Variants in ASMTL observed in about 807,000 individuals in gnomAD.
ASMTL encodes the protein probable bifunctional dTTP/UTP pyrophosphatase/methyltransferase protein.
In ASMTL, 57 loss-of-function variants were observed where a neutral mutation model predicts 60.3. The observed-to-expected ratio is 0.95, with a 90% CI of 0.76 to 1.18. The LOEUF (loss-of-function observed/expected upper bound fraction) is 1.18. Among genes scored for constraint, ASMTL ranks in the 50% most tolerant of loss-of-function variants. ASMTL has a pLI of 0.00. For missense variants in ASMTL, 981 were observed against 852.6 expected, an observed-to-expected ratio of 1.15 and a Z score of -1.88; for synonymous variants, 419 against 373.0, an observed-to-expected ratio of 1.12 and a Z score of -1.42.
At chrX:1,418,927 T>G in intron 10 of ASMTL, 55 bp downstream of exon 10, 2 of 1,608,630 alleles carry the variant, frequency 1.2e-6, no homozygotes, top group East Asian at 4.5e-5. Flanking sequence ...GCAGGGAAGA[T>G]ACCTGTGGCT....
intron 10 of ASMTL, among the ~76,000 whole-genome samples, chrX:1,418,751 C>T (rs1335594865): frequency 5.3e-5 from 8 of 152,118 alleles, no homozygotes; most frequent in Non-Finnish European, 7.4e-5. Flanking sequence ...TGCCTCAGCT[C>T]CGCAGCCAAA....
chrX:1,443,415 C>CG lies in ASMTL; in HGVS notation c.94-1099_94-1098insC, dbSNP rs1406813279. Among the ~76,000 whole-genome samples the CG allele has an allele frequency of 9.3e-4, 123 of 131,764 alleles. 19 individuals carry two copies. The highest frequency in any genetic ancestry group is 3.4e-3 in the African/African-American group (114 of 33,932). The allele number at this position is 131,764 out of a possible 152,430, so 86.4% of individuals were successfully genotyped here. On this transcript the variant is annotated intron_variant, in intron 1 of 12. Coordinates refer to ENST00000381317, the MANE Select transcript of ASMTL (RefSeq NM_004192.4). ...CGCCATCTTGGACACACGCCGCCAT[C>CG]TTGGACACACACCGCCATCTTGGAC...
intron 10 of ASMTL, 146 bp from the exon 11 acceptor site, chrX:1,418,262 C>T (rs2090370760): frequency 2.2e-6 from 2 of 889,886 alleles, no homozygotes; most frequent in Non-Finnish European, 1.7e-6. Flanking sequence ...GGGGAGCTCG[C>T]TGGTATCCCA....
chrX:1,429,658 G>A (rs1377408324), intron 6 of ASMTL, among the ~76,000 whole-genome samples: 2 of 151,958 alleles, frequency 1.3e-5, no homozygotes, highest in East Asian at 2.0e-4. Context: ...TTCGCCAGGC[G>A]TGGCGGTGGG....
chrX:1,443,900 A>G (rs1423554537), intron 1 of ASMTL, among the ~76,000 whole-genome samples: 3 of 145,242 alleles, frequency 2.1e-5, no homozygotes, highest in South Asian at 2.3e-4. Context: ...CACCCCCATC[A>G]TGGACACACA....
chrX:1,417,392 A>C (rs1205977767), intron 11 of ASMTL, among the ~76,000 whole-genome samples: 1 of 117,868 alleles, frequency 8.5e-6, no homozygotes, highest in Non-Finnish European at 1.8e-5. Flanking sequence ...CACACCACAG[A>C]GACTTGCAGA....
intron 11 of ASMTL, among the ~76,000 whole-genome samples, chrX:1,417,130 GACAC>G (rs1226710726): frequency 2.8e-4 from 42 of 150,376 alleles, no homozygotes; most frequent in African/African-American, 8.3e-4. Context: ...CATGCACACA[GACAC>G]ACAACCACAG....
upstream of ASMTL, chrX:1,453,018 C>T (rs2091434934): frequency 3.6e-6 from 2 of 556,364 alleles, no homozygotes; most frequent in Non-Finnish European, 6.2e-6. Context: ...CGAGACCGCG[C>T]CCAGGCCACG....
Position 1,428,012 on chromosome X carries a change from G to T in ASMTL, c.619C>A (p.Gln207Lys). 1 of 1,613,688 alleles carries T rather than the reference G, an allele frequency of 6.2e-7. No individual in the cohort carries two copies. The highest frequency in any genetic ancestry group is 8.5e-7 in the Non-Finnish European group (1 of 1,179,844). The change falls in exon 7 of 13, where the codon CAG becomes AAG. Residue 207 changes from glutamine (Q) to lysine (K), a missense_variant. Physicochemically the swap from Gln to Lys is moderately conservative, Grantham distance 53. Transcript: ENST00000381317. Reference sequence around the variant, plus strand: ...GGCGGGTAGTAGAGCTTCACCAGCTGCTTGCAGAAGTGGTTCAGCGGGAAT... The same window carrying T: ...GGCGGGTAGTAGAGCTTCACCAGCTTCTTGCAGAAGTGGTTCAGCGGGAAT... ...VGFPLNHFCK[Q>K]LVKLYYPPRP...
chrX:1,426,879 A>T (rs1266198646), intron 7 of ASMTL, among the ~76,000 whole-genome samples: 1 of 152,056 alleles, frequency 6.6e-6, no homozygotes, highest in Non-Finnish European at 1.5e-5. Context: ...CACAGTTAGG[A>T]GGCTGAGGCA....
In ASMTL at chrX:1,451,448, C is replaced by T. The variant is rs572604189; in HGVS notation, c.93+1300G>A. On this transcript the variant is annotated intron_variant, in intron 1 of 12. Transcript: ENST00000381317. ...GCCTAGGGGTTCCAGGTCACTCTCC[C>T]CTCCCTCATCCTTTTGGGTCCCGGG... Among the ~76,000 whole-genome samples, 8 of 149,362 alleles carry T rather than the reference C, an allele frequency of 5.4e-5. No individual in the cohort carries two copies. In the East Asian group the frequency reaches 6.0e-4, roughly 11 times the overall value.
chrX:1,441,867 T>C (rs1290082821), intron 2 of ASMTL: 3 of 322,652 alleles, frequency 9.3e-6, no homozygotes, highest in East Asian at 1.2e-4. Context: ...TAAATGATAC[T>C]GTATCAATTG....
rs186598857 is a variant in ASMTL at position 1,420,431 on chromosome X, C to T, written c.1245+1227G>A. On this transcript the variant is annotated intron_variant, in intron 9 of 12. Coordinates refer to ENST00000381317, the MANE Select transcript of ASMTL (RefSeq NM_004192.4). ...TCTCTCCCCAACATCTGCAGGAAGC[C>T]CCCGGCTCCCTGGGGCTCATCTCTG... 2.6e-3 allele frequency among the ~76,000 whole-genome samples: 390 copies of T among 152,294 alleles called. 1 individual carries two copies. Among genetic ancestry groups the T allele is most frequent in the African/African-American group, 8.3e-3 (347 of 41,566 alleles).
chrX:1,418,971 G>A lies in ASMTL; in HGVS notation c.1378+11C>T. On this transcript the variant is annotated intron_variant, in intron 10 of 12. Transcript: ENST00000381317. ...GAAAGTAAGGAGAGCCCTGGCGGGG[G>A]GGCCACCCACCTCCCACGTCGCAGG... 2 of 1,611,784 alleles carry A rather than the reference G, an allele frequency of 1.2e-6. No individual in the cohort carries two copies. Among genetic ancestry groups the A allele is most frequent in the Non-Finnish European group, 8.5e-7 (1 of 1,179,816 alleles).
chrX:1,427,692 G>A lies in ASMTL; in HGVS notation c.897+42C>T, dbSNP rs180781793. 3.0e-5 allele frequency: 46 copies of A among 1,558,068 alleles called. No homozygotes were observed. In the African/African-American group the frequency reaches 5.7e-4, roughly 19 times the overall value. Reference sequence around the variant, plus strand: ...CCTTTGATTTAAGCCGAGTGTGTAGGCTCATTTGTGAAATGTGGCCTGAGG... The same window carrying A: ...CCTTTGATTTAAGCCGAGTGTGTAGACTCATTTGTGAAATGTGGCCTGAGG... On this transcript the variant is annotated intron_variant, in intron 7 of 12. Transcript: ENST00000381317.
intron 12 of ASMTL, among the ~76,000 whole-genome samples, chrX:1,411,627 G>GACACTT (rs1247529955): frequency 3.3e-5 from 5 of 152,014 alleles, no homozygotes; most frequent in East Asian, 1.9e-4. Flanking sequence ...AGATCCAGCT[G>GACACTT]CAGAGTCCAC....
At chrX:1,421,507 C>T (rs369934529) in intron 9 of ASMTL, 151 bp downstream of exon 9, 138 of 760,372 alleles carry the variant, frequency 1.8e-4, no homozygotes, top group African/African-American at 1.7e-3. Flanking sequence ...ACAAGAGCCA[C>T]GGCACTAAGT....
rs760783592 is a variant in ASMTL at position 1,403,452 on chromosome X, C to T, written c.1683G>A (p.Glu561=). Residue 561 remains glutamate (E), a synonymous_variant, in exon 13 of 13, where the codon GAG becomes GAA. Transcript: ENST00000381317. ...GGGCGCGCTGCGCCACCCTCTTCTCCTCATCCAGGAGCGTCTCCACCAGCA... is the reference window on the plus strand; with the variant it reads ...GGGCGCGCTGCGCCACCCTCTTCTCTTCATCCAGGAGCGTCTCCACCAGCA... The part of the protein sequence containing the change: ...GLLLVETLLD[E]EKRVAQRALM... 4 of 1,613,132 alleles carry T rather than the reference C, an allele frequency of 2.5e-6. No homozygotes were observed. Among genetic ancestry groups the T allele is most frequent in the South Asian group, 2.2e-5 (2 of 91,046 alleles).
chrX:1,411,955 G>T (rs2090044772), intron 12 of ASMTL, among the ~76,000 whole-genome samples: 1 of 151,630 alleles, frequency 6.6e-6, no homozygotes, highest in Non-Finnish European at 1.5e-5. Flanking sequence ...GGGATTACAG[G>T]CACCCGCTAT....
Sources: allele counts gnomAD v4.1 joint callset (sites outside exome capture counted in the v4.1 genomes callset), GRCh38; gene constraint gnomAD v4.1.1; transcripts MANE v1.5; gene names NCBI Gene and HGNC (gene_info 2026-07-23, HGNC 2026-07-21).